Variants in RNF4 observed in about 807,000 individuals in gnomAD.
The protein encoded by RNF4 is E3 ubiquitin-protein ligase RNF4.
In RNF4, 7 loss-of-function variants were observed where a neutral mutation model predicts 24.3. The observed-to-expected ratio is 0.29, with a 90% CI of 0.16 to 0.54. RNF4 has a LOEUF of 0.54. Ranked by LOEUF, RNF4 falls within the 20% of genes least tolerant of loss-of-function variation. The pLI is 0.95. For synonymous variants in RNF4, 83 were observed against 84.3 expected (o/e 0.98, Z 0.09); for missense variants, 209 against 248.5 (o/e 0.84, Z 1.07).
At position 2,515,498 on chromosome 4, in the gene RNF4, GT is replaced by G. The variant is rs1736390546; in HGVS notation, c.*1680del. 6.6e-6 allele frequency: 1 copy of G among 152,314 alleles called. No individual in the cohort carries two copies. The highest frequency in any genetic ancestry group is 1.5e-5 in the Non-Finnish European group (1 of 68,042). The allele number at this position is 152,314 out of a possible 1,614,324, so 9.4% of individuals were successfully genotyped here. On this transcript the variant is annotated 3_prime_UTR_variant, in exon 8 of 8. Transcript: ENST00000314289. ...ACTTTCTTCTGGGCATCACGGCAAT[GT>G]CACGATGCCCAGACTTGGAGCAAGG...
At position 2,512,943 on chromosome 4, in the gene RNF4, GTC is replaced by G. The variant is rs1736309180; in HGVS notation, c.375-135_375-134del. The G allele has an allele frequency of 1.2e-6, 1 of 837,500 alleles. No homozygotes were observed. The highest frequency in any genetic ancestry group is 2.0e-6 in the Non-Finnish European group (1 of 508,674). The allele number at this position is 837,500 out of a possible 1,614,324, so 51.9% of individuals were successfully genotyped here. ...CTTGGGGCAGTTGGCTTTCCTGAAA[GTC>G]TCTCGGATGCCCGCGCTAAGGCAGA... On this transcript the variant is annotated intron_variant, in intron 6 of 7. Coordinates refer to ENST00000314289, the MANE Select transcript of RNF4 (RefSeq NM_002938.5). The surrounding 1 kb of genome is among the most constrained non-coding windows in gnomAD (Gnocchi z 4.1).
intron 3 of RNF4, among the ~76,000 whole-genome samples, chr4:2,500,189 A>G (rs1460969265): frequency 2.0e-5 from 3 of 150,910 alleles, no homozygotes; most frequent in Admixed American, 6.6e-5. Flanking sequence ...AATTTGCCCT[A>G]GATTAACCGA....
At chr4:2,504,180 T>C (rs952862351) in intron 4 of RNF4, among the ~76,000 whole-genome samples, 2 of 152,254 alleles carry the variant, frequency 1.3e-5, no homozygotes, top group African/African-American at 2.4e-5. Flanking sequence ...TGAGAGACTT[T>C]GTTCATCTCA....
intron 1 of RNF4, among the ~76,000 whole-genome samples, chr4:2,475,771 C>G (rs1010094550): frequency 1.8e-4 from 28 of 152,290 alleles, no homozygotes; most frequent in African/African-American, 6.5e-4. Context: ...CTTACAGAAC[C>G]ACTCTATAAG....
intron 3 of RNF4, chr4:2,497,389 C>T (rs1165055502): frequency 1.8e-5 from 5 of 279,060 alleles, no homozygotes; most frequent in Admixed American, 9.6e-5. Context: ...CTATCTGAAA[C>T]TGCATCCCCA....
At chr4:2,511,908 C>T in intron 4 of RNF4, 48 bp from the exon 5 acceptor site, 1 of 1,570,192 alleles carries the variant, frequency 6.4e-7, no homozygotes, top group Non-Finnish European at 8.7e-7. Flanking sequence ...TCACTTATAT[C>T]AAACTGATTG....
chr4:2,501,174 C>T (rs1735898909), intron 4 of RNF4, among the ~76,000 whole-genome samples: 1 of 152,196 alleles, frequency 6.6e-6, no homozygotes, highest in African/African-American at 2.4e-5. Context: ...ACAGGTCACT[C>T]ATGTCAGCAG....
intron 1 of RNF4, among the ~76,000 whole-genome samples, chr4:2,488,195 G>T (rs1276131961): frequency 6.6e-6 from 1 of 152,216 alleles, no homozygotes; most frequent in African/African-American, 2.4e-5. Flanking sequence ...AGACGTGGTG[G>T]CTCATGCCTG....
At chr4:2,482,096 C>A (rs771313797) in intron 1 of RNF4, among the ~76,000 whole-genome samples, 1 of 152,216 alleles carries the variant, frequency 6.6e-6, no homozygotes, top group Non-Finnish European at 1.5e-5. Context: ...CCCACAGATG[C>A]ATCTGACTAA....
intron 1 of RNF4, among the ~76,000 whole-genome samples, chr4:2,476,704 C>CTTTTTTTT (rs72435381): frequency 7.3e-6 from 1 of 136,554 alleles, no homozygotes. Flanking sequence ...TTCTTTCTTT[C>CTTTTTTTT]TTTTTTTTTT....
At chr4:2,500,608 A>G (rs1369385453) in intron 3 of RNF4, 51 bp from the exon 4 acceptor site, 11 of 1,584,624 alleles carry the variant, frequency 6.9e-6, no homozygotes, top group Admixed American at 1.7e-5. Flanking sequence ...GAGGGATACA[A>G]CCTTACTTTC....
intron 1 of RNF4, among the ~76,000 whole-genome samples, chr4:2,470,446 A>C (rs1040932246): frequency 2.0e-5 from 3 of 152,260 alleles, no homozygotes; most frequent in Non-Finnish European, 4.4e-5. Flanking sequence ...GCATTCGAGT[A>C]GCAAGATATA....
chr4:2,490,568 C>A, intron 2 of RNF4, 66 bp downstream of exon 2: 1 of 1,524,388 alleles, frequency 6.6e-7, no homozygotes, highest in Non-Finnish European at 9.0e-7. Flanking sequence ...TTCCTTGTAG[C>A]ACATTAGTGA....
chr4:2,499,249 A>C (rs1735837423), intron 3 of RNF4: 2 of 448,320 alleles, frequency 4.5e-6, no homozygotes, highest in Non-Finnish European at 8.9e-6. Context: ...TATTAGACCA[A>C]TACTGTTTCT....
intron 4 of RNF4, among the ~76,000 whole-genome samples, chr4:2,502,333 G>T (rs1156466021): frequency 6.6e-6 from 1 of 152,142 alleles, no homozygotes; most frequent in African/African-American, 2.4e-5. Flanking sequence ...ATTGGCTTTT[G>T]TTGGCTGACA....
At chr4:2,473,156 C>G (rs1363427075) in intron 1 of RNF4, among the ~76,000 whole-genome samples, 1 of 151,164 alleles carries the variant, frequency 6.6e-6, no homozygotes, top group Non-Finnish European at 1.5e-5. Context: ...CTGGGGCAGG[C>G]AGATCACCTG....
chr4:2,497,127 A>G lies in RNF4; in HGVS notation c.124+6A>G. On this transcript the variant is annotated splice_donor_region_variant and intron_variant, in intron 3 of 7. Transcript: ENST00000314289. ...CATAGAACTCGTGGAAACTGGTAAG[A>G]TTGCCAGGGACACTACAACTGTGGG... 6.3e-7 allele frequency: 1 copy of G among 1,591,836 alleles called. No homozygotes were observed. The highest frequency in any genetic ancestry group is 8.6e-7 in the Non-Finnish European group (1 of 1,166,752).
intron 4 of RNF4, among the ~76,000 whole-genome samples, chr4:2,501,095 C>G (rs767190917): frequency 2.0e-5 from 3 of 152,208 alleles, no homozygotes; most frequent in Non-Finnish European, 2.9e-5. Context: ...GTCCCTGATT[C>G]CACAGTTTAC....
chr4:2,490,322 A>G lies in RNF4; in HGVS notation c.-157-15A>G. On this transcript the variant is annotated splice_polypyrimidine_tract_variant and intron_variant, in intron 1 of 7. Coordinates refer to ENST00000314289, the MANE Select transcript of RNF4 (RefSeq NM_002938.5). ...AAGTGGCAGTATTTATCAAATTAAT[A>G]TCTTTGTTTTTCAGGACTTGAAAAT... 1 of 610,598 alleles carries G rather than the reference A, an allele frequency of 1.6e-6. No homozygotes were observed. Among genetic ancestry groups the G allele is most frequent in the Admixed American group, 2.9e-5 (1 of 34,174 alleles). The allele number at this position is 610,598 out of a possible 1,614,324, so 37.8% of individuals were successfully genotyped here. A position where few individuals can be genotyped will look rare whatever the true frequency, so the allele number is the denominator to read the frequency against.
Sources: gnomAD v4.1 joint callset for allele counts (sites outside exome capture counted in the v4.1 genomes callset) on GRCh38, gnomAD v4.1.1 for gene constraint, Gnocchi (gnomAD v3.1) non-coding constraint, MANE v1.5 for transcripts, NCBI Gene and HGNC (gene_info 2026-07-23, HGNC 2026-07-21) for gene names.